The following SRRM4 variants were observed in gnomAD, a reference collection of about 807,000 sequenced individuals.
SRRM4 encodes the protein serine/arginine repetitive matrix 4, also known as serine/arginine repetitive matrix protein 4.
In SRRM4, 33 loss-of-function variants were observed where a neutral mutation model predicts 68.9. The observed-to-expected ratio is 0.48, with a 90% CI of 0.36 to 0.64. The LOEUF (loss-of-function observed/expected upper bound fraction) is 0.64. SRRM4 is among the 30% of genes least tolerant of loss of function. SRRM4 has a pLI of 0.00. For synonymous variants in SRRM4, 318 were observed against 318.8 expected (o/e 1.00, Z 0.03); for missense variants, 817 against 827.1 (o/e 0.99, Z 0.15).
intron 12 of SRRM4, among the ~76,000 whole-genome samples, chr12:119,155,856 G>C (rs1055722540): frequency 6.6e-6 from 1 of 152,204 alleles, no homozygotes; most frequent in Non-Finnish European, 1.5e-5. Flanking sequence ...CAAAATAGAA[G>C]TTGTTGGTAT....
At chr12:119,029,894 A>G (rs1344782294) in intron 1 of SRRM4, among the ~76,000 whole-genome samples, 3 of 152,110 alleles carry the variant, frequency 2.0e-5, no homozygotes, top group African/African-American at 7.2e-5. Context: ...AGCGAATTCT[A>G]ATGTAGGGGA....
At chr12:118,994,047 G>A (rs892357004) in intron 1 of SRRM4, 12 of 152,118 alleles carry the variant, frequency 7.9e-5, no homozygotes, top group African/African-American at 2.2e-4. Context: ...ATGGTAAACC[G>A]GCCTAGGTCA....
chr12:119,066,432 T>C (rs768802060), intron 1 of SRRM4, among the ~76,000 whole-genome samples: 4 of 152,234 alleles, frequency 2.6e-5, no homozygotes, highest in Non-Finnish European at 5.9e-5. Flanking sequence ...TGTTTTATTT[T>C]ACACTACTGG....
chr12:119,075,095 G>A (rs1380875988), intron 1 of SRRM4, among the ~76,000 whole-genome samples: 3 of 152,132 alleles, frequency 2.0e-5, no homozygotes, highest in Non-Finnish European at 4.4e-5. Flanking sequence ...AGGTCTGATG[G>A]ATCAGGTGAA....
Position 119,162,853 on chromosome 12 carries a change from C to T in SRRM4, c.*6055C>T, listed in dbSNP as rs1408709036. The T allele has an allele frequency of 6.6e-6, 1 of 152,268 alleles. No homozygotes were observed. The highest frequency in any genetic ancestry group is 1.5e-5 in the Non-Finnish European group (1 of 68,070). The allele number at this position is 152,268 out of a possible 1,614,324, so 9.4% of individuals were successfully genotyped here. On this transcript the variant is annotated 3_prime_UTR_variant, in exon 13 of 13. Coordinates refer to ENST00000267260, the MANE Select transcript of SRRM4 (RefSeq NM_194286.4). ...CTGACCAGACAGCCTCTGCCTGGAGCATTCACATCAGATGGAAAGAAGCTG... is the reference window on the plus strand; with the variant it reads ...CTGACCAGACAGCCTCTGCCTGGAGTATTCACATCAGATGGAAAGAAGCTG...
intron 1 of SRRM4, among the ~76,000 whole-genome samples, chr12:119,046,321 A>G (rs977419594): frequency 2.0e-5 from 3 of 152,150 alleles, no homozygotes; most frequent in African/African-American, 7.2e-5. Flanking sequence ...GCCTCTATCC[A>G]CATGAAACTC....
chr12:119,123,716 C>G (rs1954238331), intron 6 of SRRM4, among the ~76,000 whole-genome samples: 1 of 152,228 alleles, frequency 6.6e-6, no homozygotes, highest in Non-Finnish European at 1.5e-5. Context: ...CTTACCAAGT[C>G]TACGGTCAGG....
At chr12:119,005,204 G>A (rs1217973834) in intron 1 of SRRM4, among the ~76,000 whole-genome samples, 2 of 152,210 alleles carry the variant, frequency 1.3e-5, no homozygotes, top group Non-Finnish European at 2.9e-5. Context: ...ACCCTTTCCT[G>A]TCCCAACCCT....
chr12:119,054,624 T>TA (rs5801313), intron 1 of SRRM4, among the ~76,000 whole-genome samples: 32,049 of 152,030 alleles, frequency 0.21, 3,855 homozygotes, highest in East Asian at 0.31. Context: ...ACAAGAGATA[T>TA]AAGCCACACA....
chr12:119,114,496 G>A, intron 3 of SRRM4, 132 bp downstream of exon 3: 1 of 667,664 alleles, frequency 1.5e-6, no homozygotes, highest in Non-Finnish European at 2.6e-6. Flanking sequence ...TGTGACCTTG[G>A]GCAAGTCACT....
chr12:118,986,121 C>T (rs915677521), intron 1 of SRRM4, among the ~76,000 whole-genome samples: 1 of 152,104 alleles, frequency 6.6e-6, no homozygotes, highest in East Asian at 1.9e-4. Context: ...AAAAAAAATG[C>T]CTTTGAACCA....
At chr12:119,119,096 G>T (rs917263364) in intron 4 of SRRM4, among the ~76,000 whole-genome samples, 3 of 147,878 alleles carry the variant, frequency 2.0e-5, no homozygotes, top group African/African-American at 7.5e-5. Flanking sequence ...AGGCTTCTGA[G>T]TTTTTAAAAA....
At chr12:119,003,244 G>A (rs1170470519) in intron 1 of SRRM4, among the ~76,000 whole-genome samples, 3 of 151,684 alleles carry the variant, frequency 2.0e-5, no homozygotes, top group African/African-American at 7.3e-5. Flanking sequence ...CCAGCCATTT[G>A]GACTGTGCTC....
At chr12:119,155,576 T>C (rs12427155) in intron 12 of SRRM4, among the ~76,000 whole-genome samples, 9,337 of 152,084 alleles carry the variant, frequency 0.061, 637 homozygotes, top group African/African-American at 0.16. Flanking sequence ...CTACCAAAAA[T>C]ACAAAACACT....
At chr12:119,123,963 C>G (rs761406647) in intron 6 of SRRM4, among the ~76,000 whole-genome samples, 1 of 152,126 alleles carries the variant, frequency 6.6e-6, no homozygotes, top group Non-Finnish European at 1.5e-5. Flanking sequence ...GGTGGCCTCC[C>G]GCAGGAGGCA....
chr12:119,056,448 G>A (rs1217178061), intron 1 of SRRM4, among the ~76,000 whole-genome samples: 2 of 152,190 alleles, frequency 1.3e-5, no homozygotes, highest in African/African-American at 4.8e-5. Flanking sequence ...TTCCGGTGAA[G>A]CTTTACCATT....
At chr12:119,058,487 C>T (rs1369149572) in intron 1 of SRRM4, among the ~76,000 whole-genome samples, 2 of 152,176 alleles carry the variant, frequency 1.3e-5, no homozygotes, top group South Asian at 2.1e-4. Flanking sequence ...TCATTTTACT[C>T]AGCCCAAAAG....
At chr12:119,029,694 T>C (rs1040871814) in intron 1 of SRRM4, among the ~76,000 whole-genome samples, 6 of 152,204 alleles carry the variant, frequency 3.9e-5, no homozygotes, top group Non-Finnish European at 8.8e-5. Flanking sequence ...ACCAACTCAC[T>C]CTTCTCCTAC....
At chr12:119,072,441 A>G (rs1175753672) in intron 1 of SRRM4, among the ~76,000 whole-genome samples, 1 of 152,158 alleles carries the variant, frequency 6.6e-6, no homozygotes, top group Non-Finnish European at 1.5e-5. Flanking sequence ...GGATGAAGAA[A>G]GGGAGCAGGG....
Sources: gnomAD v4.1 joint callset for allele counts (sites outside exome capture counted in the v4.1 genomes callset) on GRCh38, gnomAD v4.1.1 for gene constraint, MANE v1.5 for transcripts, NCBI Gene and HGNC (gene_info 2026-07-23, HGNC 2026-07-21) for gene names.